Variants in ERBB4 observed in about 807,000 individuals in gnomAD.
The protein encoded by ERBB4 is erb-b2 receptor tyrosine kinase 4, also known as receptor tyrosine-protein kinase erbB-4.
Under a neutral mutation model 158.0 loss-of-function variants are expected in ERBB4, and 42 were observed. That is an observed-to-expected ratio of 0.27 (90% CI 0.21 to 0.34). ERBB4 has a LOEUF of 0.34. ERBB4 is among the 10% of genes least tolerant of loss of function. The pLI, the probability that ERBB4 is intolerant of heterozygous loss-of-function variation, is 1.00. For missense variants in ERBB4, 1,333 were observed against 1,624.1 expected (o/e 0.82, Z 3.08); for synonymous variants, 583 against 558.7 (o/e 1.04, Z -0.61).
chr2:212,091,133 T>G (rs1042101481), intron 2 of ERBB4, among the ~76,000 whole-genome samples: 2 of 151,484 alleles, frequency 1.3e-5, no homozygotes, highest in African/African-American at 4.9e-5. Context: ...AAACAGAATG[T>G]GAAAAATAAT....
At chr2:212,417,061 G>T (rs1185179863) in intron 1 of ERBB4, among the ~76,000 whole-genome samples, 4 of 151,922 alleles carry the variant, frequency 2.6e-5, no homozygotes, top group Non-Finnish European at 5.9e-5. Context: ...AAGAAATTTT[G>T]AAAAATTAGC....
chr2:212,246,985 G>C (rs1308843793), intron 1 of ERBB4, among the ~76,000 whole-genome samples: 1 of 152,034 alleles, frequency 6.6e-6, no homozygotes, highest in Non-Finnish European at 1.5e-5. Flanking sequence ...AGTTCTTTCT[G>C]GTTCAAATCT....
Position 212,030,039 on chromosome 2 carries a change from C to T in ERBB4, c.235-82423G>A, listed in dbSNP as rs564148296. ...TTTCACATAAATAGCACTTGTTGGG[C>T]TTACACAAAGGATAGCCTGCATCCT... On this transcript the variant is annotated intron_variant, in intron 2 of 27. Coordinates refer to ENST00000342788, the MANE Select transcript of ERBB4 (RefSeq NM_005235.3). Among the ~76,000 whole-genome samples the T allele has an allele frequency of 2.6e-5, 4 of 152,246 alleles. No homozygotes were observed. In the East Asian group the frequency reaches 5.8e-4, roughly 22 times the overall value.
rs1418771115 is a variant in ERBB4 at position 211,716,710 on chromosome 2, CAAAAAAAAACA to C, written c.884-3073_884-3063del. On this transcript the variant is annotated intron_variant, in intron 7 of 27. Coordinates refer to ENST00000342788, the MANE Select transcript of ERBB4 (RefSeq NM_005235.3). The stretch of plus-strand genomic sequence containing the variant: ...CAACAACAACAACAACAAAACAAAA[CAAAAAAAAACA>C]AAAAAAAAAGAAGAAGCTTAATGTC... Among the ~76,000 whole-genome samples, 18 of 92,772 alleles carry C rather than the reference CAAAAAAAAACA, an allele frequency of 1.9e-4. No homozygotes were observed. The East Asian group carries it at 4.0e-3, about 21-fold the overall frequency. The allele number at this position is 92,772 out of a possible 152,430, so 60.9% of individuals were successfully genotyped here.
chr2:211,398,680 A>T (rs947696419), intron 25 of ERBB4, among the ~76,000 whole-genome samples: 1 of 152,120 alleles, frequency 6.6e-6, no homozygotes, highest in Non-Finnish European at 1.5e-5. Flanking sequence ...AAAATACAAA[A>T]ATAAGCCAGA....
chr2:211,944,750 T>C (rs188654739), intron 3 of ERBB4, among the ~76,000 whole-genome samples: 3 of 152,282 alleles, frequency 2.0e-5, no homozygotes, highest in Admixed American at 2.0e-4. Context: ...AGAGGGATAC[T>C]TAACACACAA....
At position 212,303,499 on chromosome 2, in the gene ERBB4, C is replaced by T. The variant is rs150879689; in HGVS notation, c.83-178596G>A. Among the ~76,000 whole-genome samples, 664 of 151,402 alleles carry T rather than the reference C, an allele frequency of 4.4e-3. 8 individuals are homozygous for T. Among genetic ancestry groups the T allele is most frequent in the Middle Eastern group, 0.017 (5 of 292 alleles). On this transcript the variant is annotated intron_variant, in intron 1 of 27. Transcript: ENST00000342788. ...GAGAACAGACTCTATTTATCTAGCA[C>T]GTGTTTAATACTGCTTAAGCCCTGA...
rs5838309 is a variant in ERBB4 at position 212,206,589 on chromosome 2, C to CTTT, written c.83-81689_83-81687dup. ...ATGAACTGTCTCCGTCTGTTCTGTTCTTTTTTTTTTTTTTTTGAGACGGAG... is the reference window on the plus strand; with the variant it reads ...ATGAACTGTCTCCGTCTGTTCTGTTCTTTTTTTTTTTTTTTTTTTGAGACGGAG... On this transcript the variant is annotated intron_variant, in intron 1 of 27. Transcript: ENST00000342788. 1.0e-3 allele frequency among the ~76,000 whole-genome samples: 119 copies of CTTT among 116,448 alleles called. 13 individuals carry two copies. Among genetic ancestry groups the CTTT allele is most frequent in the Admixed American group, 2.1e-3 (26 of 12,498 alleles). The allele number at this position is 116,448 out of a possible 152,430, so 76.4% of individuals were successfully genotyped here. A position where few individuals can be genotyped will look rare whatever the true frequency, so the allele number is the denominator to read the frequency against.
chr2:212,082,376 T>C (rs1476276744), intron 2 of ERBB4, among the ~76,000 whole-genome samples: 1 of 152,074 alleles, frequency 6.6e-6, no homozygotes, highest in Non-Finnish European at 1.5e-5. Context: ...CATAGCAATA[T>C]TGTTCAAATG....
intron 3 of ERBB4, among the ~76,000 whole-genome samples, chr2:211,947,159 A>G (rs1052117745): frequency 2.0e-5 from 3 of 152,168 alleles, no homozygotes; most frequent in Admixed American, 2.0e-4. Flanking sequence ...AGCATGTTTC[A>G]TATCTCAGTT....
intron 3 of ERBB4, among the ~76,000 whole-genome samples, chr2:211,882,635 G>A (rs1258441914): frequency 1.3e-5 from 2 of 152,156 alleles, no homozygotes; most frequent in East Asian, 3.8e-4. Flanking sequence ...ATACCTTAAT[G>A]CTAACACAGC....
At chr2:212,101,907 G>C (rs6730882) in intron 2 of ERBB4, among the ~76,000 whole-genome samples, 13,296 of 150,956 alleles carry the variant, frequency 0.088, 656 homozygotes, top group Middle Eastern at 0.12. Flanking sequence ...GTTTTGCTTG[G>C]GGGGGTACAT....
chr2:211,444,671 ACTCT>A (rs1392949299), intron 20 of ERBB4, among the ~76,000 whole-genome samples: 1 of 151,926 alleles, frequency 6.6e-6, no homozygotes. Context: ...TATACAACTC[ACTCT>A]CTATGTAGTT....
intron 1 of ERBB4, among the ~76,000 whole-genome samples, chr2:212,339,854 A>G (rs1272478532): frequency 1.3e-5 from 2 of 152,114 alleles, no homozygotes; most frequent in African/African-American, 4.8e-5. Flanking sequence ...TCTGTATACT[A>G]TAATTCCTAG....
intron 1 of ERBB4, among the ~76,000 whole-genome samples, chr2:212,510,792 A>T (rs1377456665): frequency 6.6e-6 from 1 of 152,112 alleles, no homozygotes; most frequent in Non-Finnish European, 1.5e-5. Flanking sequence ...TAAAATGTCT[A>T]TCTGGAAAAA....
At chr2:212,466,381 A>G (rs1688836261) in intron 1 of ERBB4, among the ~76,000 whole-genome samples, 1 of 152,170 alleles carries the variant, frequency 6.6e-6, no homozygotes, top group Non-Finnish European at 1.5e-5. Flanking sequence ...GTCCCCACCC[A>G]AATATCTTCT....
intron 1 of ERBB4, among the ~76,000 whole-genome samples, chr2:212,417,228 T>G (rs2091677592): frequency 1.3e-5 from 2 of 152,032 alleles, no homozygotes; most frequent in African/African-American, 4.8e-5. Context: ...ATTTTATACT[T>G]CTTAGTCATA....
intron 2 of ERBB4, among the ~76,000 whole-genome samples, chr2:211,962,888 T>A (rs2081216096): frequency 6.6e-6 from 1 of 152,170 alleles, no homozygotes. Flanking sequence ...TTTTCCCAAG[T>A]ACTATATGAA....
At chr2:212,268,474 C>T (rs1357282144) in intron 1 of ERBB4, among the ~76,000 whole-genome samples, 1 of 151,740 alleles carries the variant, frequency 6.6e-6, no homozygotes, top group African/African-American at 2.4e-5. Flanking sequence ...ATTAGCATTT[C>T]TATCAAAATA....
Sources: gnomAD v4.1 joint callset for allele counts (sites outside exome capture counted in the v4.1 genomes callset) on GRCh38, gnomAD v4.1.1 for gene constraint, MANE v1.5 for transcripts, NCBI Gene and HGNC (gene_info 2026-07-23, HGNC 2026-07-21) for gene names.